The following FAM162A variants were observed in gnomAD, a reference collection of about 807,000 sequenced individuals.
The protein encoded by FAM162A is family with sequence similarity 162 member A.
FAM162A carries 23 observed loss-of-function variants against 21.8 expected under a neutral mutation model. The observed-to-expected ratio is 1.05, with a 90% CI of 0.76 to 1.49. FAM162A has a LOEUF of 1.49. Ranked by LOEUF, FAM162A falls within the 40% of genes most tolerant of loss-of-function variation. FAM162A has a pLI of 0.00. For missense variants in FAM162A, 165 were observed against 186.4 expected, an observed-to-expected ratio of 0.89 and a Z score of 0.67; for synonymous variants, 53 against 61.3, an observed-to-expected ratio of 0.86 and a Z score of 0.64.
chr3:122,411,412 C>T lies in FAM162A; in HGVS notation c.*1581C>T, dbSNP rs192295671. 2.6e-5 allele frequency: 4 copies of T among 152,234 alleles called. No homozygotes were observed. The highest frequency in any genetic ancestry group is 9.6e-5 in the African/African-American group (4 of 41,526). 9.4% of individuals were successfully genotyped at this position (152,234 alleles called of 1,614,324 possible). On this transcript the variant is annotated 3_prime_UTR_variant, in exon 5 of 5. Transcript: ENST00000477892. ...AGTTTTTCTTATTTTGGGACACCTACACCAATGTTTTAAATGTGGATAAAT... is the reference window on the plus strand; with the variant it reads ...AGTTTTTCTTATTTTGGGACACCTATACCAATGTTTTAAATGTGGATAAAT...
At chr3:122,396,376 A>T (rs1234609759) in intron 1 of FAM162A, among the ~76,000 whole-genome samples, 1 of 152,192 alleles carries the variant, frequency 6.6e-6, no homozygotes, top group East Asian at 1.9e-4. Flanking sequence ...AAGATATGCA[A>T]ATGGCCAATT....
intron 1 of FAM162A, among the ~76,000 whole-genome samples, chr3:122,387,014 C>T (rs1255302905): frequency 1.3e-5 from 2 of 152,156 alleles, no homozygotes; most frequent in Non-Finnish European, 2.9e-5. Context: ...CGCTGGGTTT[C>T]ATAAGGGTAA....
At chr3:122,404,217 A>G in intron 2 of FAM162A, 41 bp from the exon 3 acceptor site, 1 of 982,118 alleles carries the variant, frequency 1.0e-6, no homozygotes. Flanking sequence ...GAGAGTTATA[A>G]TCTCAAACAC....
chr3:122,412,240 A>G lies in FAM162A; in HGVS notation c.*2409A>G, dbSNP rs767047560. On this transcript the variant is annotated 3_prime_UTR_variant, in exon 5 of 5. Transcript: ENST00000477892. ...ATTTCTAGGTTTTTTTTGCGTGTTTATCATGTCTCCGTAGGTAAAGTGGGC... is the reference window on the plus strand; with the variant it reads ...ATTTCTAGGTTTTTTTTGCGTGTTTGTCATGTCTCCGTAGGTAAAGTGGGC... The G allele has an allele frequency of 6.6e-6, 1 of 152,136 alleles. No homozygotes were observed. Among genetic ancestry groups the G allele is most frequent in the Non-Finnish European group, 1.5e-5 (1 of 68,012 alleles). 9.4% of individuals were successfully genotyped at this position (152,136 alleles called of 1,614,324 possible).
intron 1 of FAM162A, among the ~76,000 whole-genome samples, chr3:122,385,122 A>C (rs1404660547): frequency 9.8e-5 from 15 of 152,310 alleles, no homozygotes; most frequent in African/African-American, 3.1e-4. Flanking sequence ...TTTTTAAAGG[A>C]AAAATAGCCC....
At chr3:122,404,112 A>G (rs2075666193) in intron 2 of FAM162A, 146 bp from the exon 3 acceptor site, 2 of 386,388 alleles carry the variant, frequency 5.2e-6, no homozygotes, top group Non-Finnish European at 9.5e-6. Flanking sequence ...AAGAAATTCC[A>G]TTCAAATAAA....
chr3:122,389,433 A>AGATAGATAGATG (rs1254956270), intron 1 of FAM162A, among the ~76,000 whole-genome samples: 3 of 146,366 alleles, frequency 2.0e-5, no homozygotes, highest in African/African-American at 7.6e-5. Flanking sequence ...ATAGATAGAT[A>AGATAGATAGATG]GATGAGATAG....
intron 3 of FAM162A, among the ~76,000 whole-genome samples, chr3:122,406,555 A>G (rs377681738): frequency 1.3e-5 from 2 of 152,372 alleles, no homozygotes; most frequent in East Asian, 3.9e-4. Context: ...GTCTGTATTC[A>G]GTAGATAGGT....
intron 1 of FAM162A, among the ~76,000 whole-genome samples, chr3:122,396,408 TATTACTCATTA>T (rs1418537165): frequency 4.6e-5 from 7 of 152,170 alleles, no homozygotes; most frequent in Admixed American, 4.6e-4. Flanking sequence ...AGATCCTCAT[TATTACTCATTA>T]GATAAATGTA....
chr3:122,409,224 G>T (rs2075692295), intron 4 of FAM162A, among the ~76,000 whole-genome samples: 1 of 152,148 alleles, frequency 6.6e-6, no homozygotes, highest in African/African-American at 2.4e-5. Flanking sequence ...TGGAATTGTA[G>T]TACAGATACT....
At chr3:122,398,448 C>T (rs1009587292) in intron 1 of FAM162A, among the ~76,000 whole-genome samples, 1 of 152,180 alleles carries the variant, frequency 6.6e-6, no homozygotes, top group African/African-American at 2.4e-5. Context: ...ACAATACCAC[C>T]TATGACATTC....
chr3:122,390,384 C>T (rs1472643176), intron 1 of FAM162A, among the ~76,000 whole-genome samples: 2 of 152,154 alleles, frequency 1.3e-5, no homozygotes, highest in African/African-American at 4.8e-5. Flanking sequence ...TTCAGATAGA[C>T]ACTCTGGGGA....
At chr3:122,395,923 G>A (rs1324644768) in intron 1 of FAM162A, among the ~76,000 whole-genome samples, 1 of 152,200 alleles carries the variant, frequency 6.6e-6, no homozygotes, top group South Asian at 2.1e-4. Flanking sequence ...TCTATATGGC[G>A]CTAAAACAAC....
chr3:122,392,372 T>A (rs2075607694), intron 1 of FAM162A, among the ~76,000 whole-genome samples: 1 of 152,216 alleles, frequency 6.6e-6, no homozygotes, highest in Admixed American at 6.5e-5. Flanking sequence ...AACCAGTGGT[T>A]CTCTGGGGAG....
chr3:122,403,217 C>T (rs143735716), intron 2 of FAM162A, among the ~76,000 whole-genome samples: 6 of 152,244 alleles, frequency 3.9e-5, no homozygotes, highest in East Asian at 1.9e-4. Context: ...CATCTTCCTA[C>T]GTCACACTTC....
intron 1 of FAM162A, among the ~76,000 whole-genome samples, chr3:122,396,034 T>C (rs1373293802): frequency 6.6e-6 from 1 of 152,184 alleles, no homozygotes; most frequent in Non-Finnish European, 1.5e-5. Context: ...GAAAGTATAC[T>C]AGTATAACTC....
intron 1 of FAM162A, chr3:122,401,578 G>T: frequency 8.1e-7 from 1 of 1,228,754 alleles, no homozygotes; most frequent in Non-Finnish European, 1.1e-6. Context: ...AAAAGCTCAG[G>T]TGATTATAAT....
intron 4 of FAM162A, among the ~76,000 whole-genome samples, chr3:122,408,590 G>A (rs2075687657): frequency 1.3e-5 from 2 of 152,146 alleles, no homozygotes; most frequent in African/African-American, 4.8e-5. Flanking sequence ...GCTGAGCTGG[G>A]TGAAGTTCTC....
intron 1 of FAM162A, among the ~76,000 whole-genome samples, chr3:122,398,639 G>A (rs1295314351): frequency 6.6e-6 from 1 of 152,074 alleles, no homozygotes; most frequent in African/African-American, 2.4e-5. Flanking sequence ...AAAAGTAAGA[G>A]GGGAGACCTA....
Sources: allele counts gnomAD v4.1 joint callset (sites outside exome capture counted in the v4.1 genomes callset), GRCh38; gene constraint gnomAD v4.1.1; transcripts MANE v1.5; gene names NCBI Gene and HGNC (gene_info 2026-07-23, HGNC 2026-07-21).